SLC7A8: variants seen among roughly 807,000 people sequenced by gnomAD.
The protein encoded by SLC7A8 is large neutral amino acids transporter small subunit 2.
In SLC7A8, 30 loss-of-function variants were observed where a neutral mutation model predicts 51.2. The observed-to-expected ratio is 0.59, with a 90% CI of 0.44 to 0.80. SLC7A8 has a LOEUF of 0.80. Ranked by LOEUF, SLC7A8 falls within the 30% of genes least tolerant of loss-of-function variation. The pLI, the probability that SLC7A8 is intolerant of heterozygous loss-of-function variation, is 0.00. For synonymous variants in SLC7A8, 257 were observed against 275.8 expected (o/e 0.93, Z 0.67); for missense variants, 612 against 674.4 (o/e 0.91, Z 1.03).
In SLC7A8 at chr14:23,165,462, G is replaced by A. The variant is rs376471257; in HGVS notation, c.357-26C>T. 18 of 1,572,830 alleles carry A rather than the reference G, an allele frequency of 1.1e-5. No homozygotes were observed. The highest frequency in any genetic ancestry group is 5.9e-5 in the Admixed American group (3 of 51,140). ...CTGAAGGAGGAAAGGGACATCCGCC[G>A]AAAGGCATGGCAGGGACGCAGAGCC... On this transcript the variant is annotated intron_variant, in intron 2 of 10. Transcript: ENST00000316902. The surrounding 1 kb of genome is among the most constrained non-coding windows in gnomAD (Gnocchi z 4.2).
At chr14:23,132,812 T>C (rs565764872) in intron 7 of SLC7A8, among the ~76,000 whole-genome samples, 2 of 152,160 alleles carry the variant, frequency 1.3e-5, no homozygotes, top group East Asian at 3.9e-4. Flanking sequence ...ATTTTTGTAT[T>C]TTTGGTGGAG....
rs907667799 is a variant in SLC7A8 at position 23,165,700 on chromosome 14, T to C, written c.357-264A>G. 1.3e-5 allele frequency among the ~76,000 whole-genome samples: 2 copies of C among 152,192 alleles called. No homozygotes were observed. Among genetic ancestry groups the C allele is most frequent in the Non-Finnish European group, 2.9e-5 (2 of 68,040 alleles). On this transcript the variant is annotated intron_variant, in intron 2 of 10. Coordinates refer to ENST00000316902, the MANE Select transcript of SLC7A8 (RefSeq NM_012244.4). The surrounding 1 kb of genome is among the most constrained non-coding windows in gnomAD (Gnocchi z 4.2). ...CCTTTCATGATCTCTTCTCCATCAC[T>C]GTGGCCACCAGCATCCAATGGTGGA...
At chr14:23,131,408 T>C in intron 8 of SLC7A8, 53 bp downstream of exon 8, 2 of 1,430,922 alleles carry the variant, frequency 1.4e-6, no homozygotes, top group Non-Finnish European at 1.9e-6. Context: ...CAGCTTAGAC[T>C]AGGCACAAAG....
chr14:23,148,052 A>G (rs999551583), intron 3 of SLC7A8, among the ~76,000 whole-genome samples: 3 of 152,176 alleles, frequency 2.0e-5, no homozygotes, highest in African/African-American at 7.2e-5. Context: ...TTTGATCTCC[A>G]GGAATTACAG....
intron 1 of SLC7A8, among the ~76,000 whole-genome samples, chr14:23,177,297 A>G (rs569169106): frequency 3.9e-5 from 6 of 152,348 alleles, no homozygotes; most frequent in African/African-American, 1.4e-4. Context: ...CTTTTGTACC[A>G]TTCACTGAGT....
chr14:23,137,946 T>C lies in SLC7A8; in HGVS notation c.991A>G (p.Asn331Asp). ...CGAGAGGAGGTGAAGAGAGACCCAT[T>C]AACTCCTCCAAATGTGGACAGGGCA... ...SVALSTFGGV[N>D]GSLFTSSRLF... Residue 331 changes from asparagine (N) to aspartate (D), a missense_variant, in exon 7 of 11, where the codon AAT becomes GAT. Physicochemically the swap from Asn to Asp is conservative, Grantham distance 23. Transcript: ENST00000316902. The C allele has an allele frequency of 7.4e-6, 12 of 1,613,350 alleles. No homozygotes were observed. Among genetic ancestry groups the C allele is most frequent in the Non-Finnish European group, 1.0e-5 (12 of 1,179,878 alleles).
At chr14:23,133,028 G>A (rs926317080) in intron 7 of SLC7A8, among the ~76,000 whole-genome samples, 8 of 151,960 alleles carry the variant, frequency 5.3e-5, no homozygotes, top group African/African-American at 1.5e-4. Flanking sequence ...CTCCCACCTC[G>A]GGCTCCCAAA....
chr14:23,172,505 G>T (rs1411633258), intron 1 of SLC7A8, among the ~76,000 whole-genome samples: 1 of 152,170 alleles, frequency 6.6e-6, no homozygotes, highest in Non-Finnish European at 1.5e-5. Flanking sequence ...GACAGGCATC[G>T]TAGCCTGGGG....
chr14:23,171,759 G>A (rs1233470501), intron 1 of SLC7A8, among the ~76,000 whole-genome samples: 1 of 152,174 alleles, frequency 6.6e-6, no homozygotes, highest in Non-Finnish European at 1.5e-5. Context: ...AGCAGGTCTG[G>A]CATGTGGGGC....
chr14:23,175,813 AT>A (rs2048996594), intron 1 of SLC7A8, among the ~76,000 whole-genome samples: 1 of 152,110 alleles, frequency 6.6e-6, no homozygotes, highest in African/African-American at 2.4e-5. Flanking sequence ...GTTGCTTCAG[AT>A]TTTAGTGACC....
intron 4 of SLC7A8, 137 bp downstream of exon 4, chr14:23,142,942 G>T: frequency 8.7e-7 from 1 of 1,155,980 alleles, no homozygotes; most frequent in East Asian, 2.5e-5. Flanking sequence ...TCAAGCAAGG[G>T]AAGAAGAAGA....
chr14:23,161,822 A>G (rs370596171), intron 3 of SLC7A8, among the ~76,000 whole-genome samples: 7,866 of 150,408 alleles, frequency 0.052, 722 homozygotes, highest in African/African-American at 0.18. Flanking sequence ...AGCAACCTGG[A>G]AGGCTGAGGC....
Position 23,127,443 on chromosome 14 carries a change from G to T in SLC7A8, c.1442-100C>A, listed in dbSNP as rs1181573279. On this transcript the variant is annotated intron_variant, in intron 10 of 10. Transcript: ENST00000316902. ...TCCTGGCTCTCCTGCTCCAGGTTCTGCCTCTTCAGAGCAGTCAGTGCGTTG... is the reference window on the plus strand; with the variant it reads ...TCCTGGCTCTCCTGCTCCAGGTTCTTCCTCTTCAGAGCAGTCAGTGCGTTG... The T allele has an allele frequency of 4.3e-6, 6 of 1,405,454 alleles. No homozygotes were observed. The East Asian group carries it at 9.2e-5, about 22-fold the overall frequency. 87.1% of individuals were successfully genotyped at this position (1,405,454 alleles called of 1,614,324 possible).
intron 3 of SLC7A8, among the ~76,000 whole-genome samples, chr14:23,149,018 G>C (rs1471727804): frequency 6.6e-6 from 1 of 152,176 alleles, no homozygotes; most frequent in Non-Finnish European, 1.5e-5. Context: ...GCCCAAAAGA[G>C]TGTCTGTCCA....
intron 3 of SLC7A8, among the ~76,000 whole-genome samples, chr14:23,150,007 T>G (rs1487885818): frequency 6.6e-6 from 1 of 152,214 alleles, no homozygotes; most frequent in Non-Finnish European, 1.5e-5. Flanking sequence ...GTTTGCATAA[T>G]GACTAAATCA....
At chr14:23,166,608 G>T in intron 1 of SLC7A8, 68 bp from the exon 2 acceptor site, 1 of 1,532,136 alleles carries the variant, frequency 6.5e-7, no homozygotes. Context: ...ATTGGCATTT[G>T]GAGGGTGGTC....
intron 3 of SLC7A8, among the ~76,000 whole-genome samples, chr14:23,144,141 TC>T (rs1407860574): frequency 6.6e-6 from 1 of 152,046 alleles, no homozygotes; most frequent in Non-Finnish European, 1.5e-5. Context: ...ATTGTAGAGA[TC>T]TTTGAGTGGG....
At chr14:23,131,585 G>C (rs760130000) in intron 7 of SLC7A8, 28 bp from the exon 8 acceptor site, 1 of 1,559,514 alleles carries the variant, frequency 6.4e-7, no homozygotes. Context: ...AGGTCAGCCT[G>C]GGATAACCCA....
At chr14:23,155,217 C>G in intron 3 of SLC7A8, 1 of 1,536,022 alleles carries the variant, frequency 6.5e-7, no homozygotes, top group Admixed American at 2.0e-5. Context: ...GTGCTCTGAG[C>G]CTTCCGGAAG....
Sources: gnomAD v4.1 joint callset for allele counts (sites outside exome capture counted in the v4.1 genomes callset) on GRCh38, gnomAD v4.1.1 for gene constraint, Gnocchi (gnomAD v3.1) non-coding constraint, MANE v1.5 for transcripts, NCBI Gene and HGNC (gene_info 2026-07-23, HGNC 2026-07-21) for gene names.